Variants in NDUFC2 observed in about 807,000 individuals in gnomAD.
NDUFC2 encodes NADH:ubiquinone oxidoreductase subunit C2, also known as NADH dehydrogenase [ubiquinone] 1 subunit C2.
NDUFC2 carries 2 observed loss-of-function variants against 10.1 expected under a neutral mutation model. The observed-to-expected ratio is 0.20, with a 90% CI of 0.08 to 0.62. The LOEUF is 0.62. Ranked by LOEUF, NDUFC2 falls within the 20% of genes least tolerant of loss-of-function variation. NDUFC2 has a pLI of 0.87. For missense variants in NDUFC2, 156 were observed against 159.6 expected (o/e 0.98, Z 0.12); for synonymous variants, 61 against 63.6 (o/e 0.96, Z 0.20).
At chr11:78,075,466 C>T (rs1054074095) in intron 1 of NDUFC2, among the ~76,000 whole-genome samples, 3 of 152,100 alleles carry the variant, frequency 2.0e-5, no homozygotes, top group South Asian at 2.1e-4. Flanking sequence ...CCACATGTAC[C>T]CCCAAAATAC....
chr11:78,069,754 A>G lies in NDUFC2; in HGVS notation c.*233T>C, dbSNP rs1858911319. On this transcript the variant is annotated 3_prime_UTR_variant, in exon 3 of 3. Transcript: ENST00000281031. Reference sequence around the variant, plus strand: ...TTGGGTAGTCTGCTAACTCTAAACTAGAATTCAACCTCATCTTAAAATCTT... The same window carrying G: ...TTGGGTAGTCTGCTAACTCTAAACTGGAATTCAACCTCATCTTAAAATCTT... 5 of 956,848 alleles carry G rather than the reference A, an allele frequency of 5.2e-6. No homozygotes were observed. In the East Asian group the frequency reaches 1.3e-4, roughly 25 times the overall value. 59.3% of individuals were successfully genotyped at this position (956,848 alleles called of 1,614,324 possible).
intron 1 of NDUFC2, among the ~76,000 whole-genome samples, chr11:78,076,259 T>A (rs114165): frequency 0.87 from 131,814 of 152,024 alleles, 57,299 homozygotes; most frequent in African/African-American, 0.91. Context: ...CTCCAGCCTC[T>A]GCCTCCCGAG....
intron 1 of NDUFC2, among the ~76,000 whole-genome samples, chr11:78,076,383 C>T (rs764057580): frequency 4.7e-4 from 72 of 152,186 alleles, no homozygotes; most frequent in Non-Finnish European, 8.4e-4. Context: ...TTCAGGTGAT[C>T]CACCCGCCTC....
rs749516547 is a variant in NDUFC2 at position 78,079,648 on chromosome 11, T to C, written c.97A>G (p.Ile33Val). The change falls in exon 1 of 3, where the codon ATC becomes GTC. Residue 33 changes from isoleucine (I) to valine (V), a missense_variant. Physicochemically the swap from Ile to Val is conservative, Grantham distance 29 (BLOSUM62 3). Transcript: ENST00000281031. ...PKLTDPRLLY[I>V]GFLGYCSGLI... ...CCGGAGCAGTAGCCCAAGAAGCCGA[T>C]GTAGAGGAGCCGCGGGTCGGTCAGC... The C allele has an allele frequency of 1.8e-5, 28 of 1,597,654 alleles. No homozygotes were observed. Among genetic ancestry groups the C allele is most frequent in the South Asian group, 3.4e-5 (3 of 88,392 alleles).
In NDUFC2 at chr11:78,079,566, G is replaced by A; in HGVS notation, c.166+13C>T. 10 of 1,548,754 alleles carry A rather than the reference G, an allele frequency of 6.5e-6. No homozygotes were observed. Among genetic ancestry groups the A allele is most frequent in the Non-Finnish European group, 8.7e-6 (10 of 1,146,506 alleles). On this transcript the variant is annotated intron_variant, in intron 1 of 2. Coordinates refer to ENST00000281031, the MANE Select transcript of NDUFC2 (RefSeq NM_004549.6). ...CTTCTCCTCCCAGCCGATCCCGGCCGCGCAGCACTCACCAGCCGTCGCGAT... is the reference window on the plus strand; with the variant it reads ...CTTCTCCTCCCAGCCGATCCCGGCCACGCAGCACTCACCAGCCGTCGCGAT...
chr11:78,074,064 T>A (rs945202332), intron 1 of NDUFC2, among the ~76,000 whole-genome samples: 2 of 144,846 alleles, frequency 1.4e-5, no homozygotes, highest in Non-Finnish European at 3.0e-5. Flanking sequence ...CTTTTTTTTT[T>A]AAGAGGGGTC....
Position 78,079,810 on chromosome 11 carries a change from A to T in NDUFC2, c.-66T>A, listed in dbSNP as rs1859445694. On this transcript the variant is annotated 5_prime_UTR_variant, in exon 1 of 3. Transcript: ENST00000281031. ...AACTACAAGGAAAACCACGACGACC[A>T]CTACCCCGGCCTAAGCGGTCAGCTT... 6.5e-7 allele frequency: 1 copy of T among 1,527,718 alleles called. No individual in the cohort carries two copies. The highest frequency in any genetic ancestry group is 8.8e-7 in the Non-Finnish European group (1 of 1,140,806). 94.6% of individuals were successfully genotyped at this position (1,527,718 alleles called of 1,614,324 possible).
rs193240390 is a variant in NDUFC2 at position 78,078,722 on chromosome 11, G to A, written c.166+857C>T. Among the ~76,000 whole-genome samples, 4 of 33,192 alleles carry A rather than the reference G, an allele frequency of 1.2e-4. No homozygotes were observed. In the East Asian group the frequency reaches 2.6e-3, roughly 22 times the overall value. 21.8% of individuals were successfully genotyped at this position (33,192 alleles called of 152,430 possible). On this transcript the variant is annotated intron_variant, in intron 1 of 2. Transcript: ENST00000281031. Reference sequence around the variant, plus strand: ...TTCCTCCCCAGACCTCATGAATCAGGATCCGCTTTTTTTTTTTTTTTGAGA... The same window carrying A: ...TTCCTCCCCAGACCTCATGAATCAGAATCCGCTTTTTTTTTTTTTTTGAGA...
In NDUFC2 at chr11:78,068,722, T is replaced by C. The variant is rs1320406047; in HGVS notation, c.*1265A>G. On this transcript the variant is annotated 3_prime_UTR_variant, in exon 3 of 3. Transcript: ENST00000281031. ...ATTGCTTGAACCCAGGAGGTGGAGG[T>C]TGCAGTGAGCCGAAATTGCGCCACT... The C allele has an allele frequency of 6.7e-6, 1 of 149,704 alleles. No individual in the cohort carries two copies. The highest frequency in any genetic ancestry group is 2.5e-5 in the African/African-American group (1 of 40,488). The allele number at this position is 149,704 out of a possible 1,614,324, so 9.3% of individuals were successfully genotyped here.
intron 2 of NDUFC2, among the ~76,000 whole-genome samples, chr11:78,071,045 C>T (rs2136822482): frequency 6.6e-6 from 1 of 152,258 alleles, no homozygotes; most frequent in East Asian, 1.9e-4. Flanking sequence ...GATACATCCA[C>T]TATTCATGGC....
At chr11:78,072,881 T>A in intron 2 of NDUFC2, 117 bp downstream of exon 2, 1 of 1,403,894 alleles carries the variant, frequency 7.1e-7, no homozygotes, top group African/African-American at 1.5e-5. Context: ...GTCTATAGAC[T>A]AAGATGTGGG....
chr11:78,072,225 T>C (rs1043429095), intron 2 of NDUFC2, among the ~76,000 whole-genome samples: 3 of 152,210 alleles, frequency 2.0e-5, no homozygotes, highest in African/African-American at 7.2e-5. Context: ...ACACCCAGGC[T>C]GGAGTGCAAT....
chr11:78,077,622 C>T (rs1859307409), intron 1 of NDUFC2, among the ~76,000 whole-genome samples: 1 of 151,942 alleles, frequency 6.6e-6, no homozygotes, highest in Admixed American at 6.6e-5. Flanking sequence ...GTGGTGCAAT[C>T]GTGGCTCGCT....
intron 1 of NDUFC2, among the ~76,000 whole-genome samples, chr11:78,076,757 A>G (rs755146273): frequency 1.3e-5 from 2 of 152,222 alleles, no homozygotes; most frequent in Non-Finnish European, 2.9e-5. Flanking sequence ...TGTCTCCCAG[A>G]AAGGCACAAA....
At chr11:78,071,609 A>G (rs1859011506) in intron 2 of NDUFC2, among the ~76,000 whole-genome samples, 1 of 152,202 alleles carries the variant, frequency 6.6e-6, no homozygotes, top group African/African-American at 2.4e-5. Context: ...GCCTACAGAT[A>G]CTCATATATG....
intron 2 of NDUFC2, 121 bp from the exon 3 acceptor site, chr11:78,070,157 C>G: frequency 1.4e-6 from 1 of 706,946 alleles, no homozygotes; most frequent in Non-Finnish European, 2.4e-6. Flanking sequence ...TCTGAATGTT[C>G]ATGTCCCCCC....
intron 1 of NDUFC2, among the ~76,000 whole-genome samples, chr11:78,076,110 T>A (rs1034060703): frequency 6.6e-6 from 1 of 151,822 alleles, no homozygotes; most frequent in Admixed American, 6.6e-5. Context: ...TTTATATTCC[T>A]TGTAATCTAC....
intron 2 of NDUFC2, among the ~76,000 whole-genome samples, chr11:78,070,370 T>C (rs1379682118): frequency 6.6e-6 from 1 of 152,190 alleles, no homozygotes; most frequent in South Asian, 2.1e-4. Flanking sequence ...CCAACTGTGC[T>C]GGTACCCTGA....
chr11:78,079,328 T>G (rs1013736814), intron 1 of NDUFC2, among the ~76,000 whole-genome samples: 1 of 151,530 alleles, frequency 6.6e-6, no homozygotes, highest in African/African-American at 2.4e-5. Flanking sequence ...CTGAGGAGAG[T>G]AGTTTCGGGT....
Sources: allele counts gnomAD v4.1 joint callset (sites outside exome capture counted in the v4.1 genomes callset), GRCh38; gene constraint gnomAD v4.1.1; transcripts MANE v1.5; gene names NCBI Gene and HGNC (gene_info 2026-07-23, HGNC 2026-07-21).